The following SSBP3 variants were observed in gnomAD, a reference collection of about 807,000 sequenced individuals.
SSBP3 encodes single stranded DNA binding protein 3, also known as single-stranded DNA-binding protein 3.
In SSBP3, 5 loss-of-function variants were observed where a neutral mutation model predicts 69.6. The observed-to-expected ratio is 0.07, with a 90% CI of 0.04 to 0.15. The LOEUF (loss-of-function observed/expected upper bound fraction) is 0.15. Ranked by LOEUF, SSBP3 falls within the 10% of genes least tolerant of loss-of-function variation. The probability of loss-of-function intolerance (pLI) is 1.00; values close to 1 mark genes in which losing one functional copy is unlikely to be tolerated. For missense variants in SSBP3, 312 were observed against 534.0 expected, an observed-to-expected ratio of 0.58 and a Z score of 4.10; for synonymous variants, 196 against 193.4, an observed-to-expected ratio of 1.01 and a Z score of -0.11.
At chr1:54,241,721 TC>T (rs1338836246) in intron 11 of SSBP3, among the ~76,000 whole-genome samples, 1 of 152,174 alleles carries the variant, frequency 6.6e-6, no homozygotes, top group Non-Finnish European at 1.5e-5. Flanking sequence ...GGTCTCTTAC[TC>T]CCCAGTCCTG....
At chr1:54,267,084 G>T (rs1645115221) in intron 5 of SSBP3, among the ~76,000 whole-genome samples, 1 of 152,134 alleles carries the variant, frequency 6.6e-6, no homozygotes, top group African/African-American at 2.4e-5. Flanking sequence ...CCTTTCCTGT[G>T]GTGTGAATTC....
chr1:54,227,258 A>C (rs1466795152), intron 17 of SSBP3, 98 bp from the exon 18 acceptor site: 1 of 762,132 alleles, frequency 1.3e-6, no homozygotes, highest in Non-Finnish European at 2.4e-6. Context: ...CACAGAACTG[A>C]GCAGGGCTCA....
chr1:54,243,458 G>C, intron 9 of SSBP3, 159 bp from the exon 10 acceptor site: 1 of 829,420 alleles, frequency 1.2e-6, no homozygotes, highest in Middle Eastern at 2.4e-4. Context: ...GGGCGGGTGG[G>C]AACCAAGTCA....
chr1:54,245,285 GA>G (rs1644713861), intron 9 of SSBP3, among the ~76,000 whole-genome samples: 2 of 152,200 alleles, frequency 1.3e-5, no homozygotes, highest in Non-Finnish European at 2.9e-5. Context: ...CAGTCTCCCA[GA>G]AAAGGAGACT....
intron 4 of SSBP3, among the ~76,000 whole-genome samples, chr1:54,376,638 T>C (rs904477232): frequency 8.5e-5 from 13 of 152,184 alleles, no homozygotes; most frequent in African/African-American, 3.1e-4. Flanking sequence ...GCTTTCACCC[T>C]CCTTTTCTTC....
chr1:54,332,524 C>A (rs571262068), intron 4 of SSBP3, among the ~76,000 whole-genome samples: 3 of 152,288 alleles, frequency 2.0e-5, no homozygotes, highest in Non-Finnish European at 1.5e-5. Flanking sequence ...GATCATCTTT[C>A]CAAACCCCCC....
chr1:54,228,434 C>A lies in SSBP3; in HGVS notation c.1035+15G>T, dbSNP rs749251278. 2 of 1,614,056 alleles carry A rather than the reference C, an allele frequency of 1.2e-6. No individual in the cohort carries two copies. The highest frequency in any genetic ancestry group is 2.2e-5 in the East Asian group (1 of 44,888). On this transcript the variant is annotated intron_variant, in intron 16 of 17. Transcript: ENST00000610401. ...ACAGATGGGGCGCCGCCAGGGAGAC[C>A]GAGTGCACACTCACTTTTGGAAGTC...
At position 54,280,406 on chromosome 1, in the gene SSBP3, G is replaced by A. The variant is rs1306664933; in HGVS notation, c.366+1032C>T. 2.6e-5 allele frequency among the ~76,000 whole-genome samples: 4 copies of A among 152,210 alleles called. No homozygotes were observed. In the East Asian group the frequency reaches 7.7e-4, roughly 29 times the overall value. On this transcript the variant is annotated intron_variant, in intron 5 of 17. Transcript: ENST00000610401. ...ATTCTGGCCTATACCAAGCAAAAGTGTCCTTGGACTTTGCCTCACTGGTCC... is the reference window on the plus strand; with the variant it reads ...ATTCTGGCCTATACCAAGCAAAAGTATCCTTGGACTTTGCCTCACTGGTCC...
intron 4 of SSBP3, among the ~76,000 whole-genome samples, chr1:54,289,776 C>A (rs1253815877): frequency 6.6e-6 from 1 of 151,916 alleles, no homozygotes; most frequent in East Asian, 1.9e-4. Context: ...AGAGCAAATC[C>A]CTCTAGGACG....
upstream of SSBP3, among the ~76,000 whole-genome samples, chr1:54,410,004 C>T (rs1038233241): frequency 1.3e-5 from 2 of 152,206 alleles, no homozygotes; most frequent in African/African-American, 2.4e-5. Flanking sequence ...ACTCCCAGTT[C>T]GGGGCAGGTG....
chr1:54,245,524 T>C (rs1471358714), intron 9 of SSBP3, among the ~76,000 whole-genome samples: 3 of 152,136 alleles, frequency 2.0e-5, no homozygotes, highest in Admixed American at 1.3e-4. Context: ...ATCTTCCAAA[T>C]CTCACCACCC....
At chr1:54,326,956 GAGA>G (rs1049290493) in intron 4 of SSBP3, among the ~76,000 whole-genome samples, 48 of 151,942 alleles carry the variant, frequency 3.2e-4, no homozygotes, top group African/African-American at 1.1e-3. Flanking sequence ...CGGGGCCAAG[GAGA>G]AGGTGGTGGT....
chr1:54,365,962 A>C (rs556262430), intron 4 of SSBP3, among the ~76,000 whole-genome samples: 1 of 152,220 alleles, frequency 6.6e-6, no homozygotes, highest in African/African-American at 2.4e-5. Flanking sequence ...TGGGAAACTA[A>C]TCGCAGTTCT....
intron 4 of SSBP3, among the ~76,000 whole-genome samples, chr1:54,322,012 C>T (rs1646222293): frequency 6.6e-6 from 1 of 152,218 alleles, no homozygotes; most frequent in African/African-American, 2.4e-5. Context: ...TCCAAAGCTT[C>T]AGGACTGGAA....
chr1:54,289,255 A>G (rs1406875846), intron 4 of SSBP3, among the ~76,000 whole-genome samples: 2 of 152,044 alleles, frequency 1.3e-5, no homozygotes, highest in Non-Finnish European at 2.9e-5. Context: ...AAATACTTCA[A>G]TGAGTTGGCA....
chr1:54,378,301 GAGGA>G (rs1375231103), intron 4 of SSBP3, among the ~76,000 whole-genome samples: 1 of 152,210 alleles, frequency 6.6e-6, no homozygotes, highest in Non-Finnish European at 1.5e-5. Context: ...CTTGCTTAAA[GAGGA>G]TTAAGACAAT....
chr1:54,251,815 T>C (rs572263717), exon 8 of SSBP3: 26 of 1,611,752 alleles, frequency 1.6e-5, no homozygotes, highest in East Asian at 1.6e-4. Flanking sequence ...GTGGGATCCA[T>C]AGAATTGGGC....
intron 4 of SSBP3, among the ~76,000 whole-genome samples, chr1:54,378,339 G>A (rs1026964059): frequency 9.2e-5 from 14 of 152,272 alleles, no homozygotes; most frequent in Admixed American, 5.9e-4. Flanking sequence ...TGGGTGCTTC[G>A]CTACCCAGAG....
At chr1:54,228,673 A>G in intron 15 of SSBP3, 75 bp downstream of exon 15, 2 of 1,521,164 alleles carry the variant, frequency 1.3e-6, no homozygotes, top group South Asian at 1.2e-5. Context: ...TACCAAGCCC[A>G]GCTGAGCCAG....
Sources: allele counts gnomAD v4.1 joint callset (sites outside exome capture counted in the v4.1 genomes callset), GRCh38; gene constraint gnomAD v4.1.1; transcripts MANE v1.5; gene names NCBI Gene and HGNC (gene_info 2026-07-23, HGNC 2026-07-21).